Variants in GRID1 observed in about 807,000 individuals in gnomAD.
GRID1 encodes glutamate receptor ionotropic, delta-1.
GRID1 carries 28 observed loss-of-function variants against 98.0 expected under a neutral mutation model. The ratio of observed to expected loss-of-function variants is 0.29; its 90% CI spans 0.21 to 0.39. The LOEUF is 0.39. Among genes scored for constraint, GRID1 ranks in the 10% least tolerant of loss-of-function variants. The probability of loss-of-function intolerance (pLI) is 1.00; values close to 1 mark genes in which losing one functional copy is unlikely to be tolerated. For synonymous variants in GRID1, 553 were observed against 538.5 expected (o/e 1.03, Z -0.37); for missense variants, 1,111 against 1,340.5 (o/e 0.83, Z 2.67).
intron 3 of GRID1, among the ~76,000 whole-genome samples, chr10:86,156,155 G>A (rs1288473902): frequency 6.6e-6 from 1 of 152,236 alleles, no homozygotes; most frequent in African/African-American, 2.4e-5. Flanking sequence ...TGTGAGCAAG[G>A]GGAGAAGAGA....
intron 4 of GRID1, among the ~76,000 whole-genome samples, chr10:86,079,363 G>A (rs1450972078): frequency 1.3e-5 from 2 of 152,184 alleles, no homozygotes; most frequent in East Asian, 3.8e-4. Flanking sequence ...GGCTGGTGGG[G>A]GCAAGGGCTG....
At chr10:85,951,476 C>A (rs371106581) in intron 4 of GRID1, among the ~76,000 whole-genome samples, 1 of 152,172 alleles carries the variant, frequency 6.6e-6, no homozygotes, top group Non-Finnish European at 1.5e-5. Flanking sequence ...CTTTCACATA[C>A]AACCAAAACA....
rs766842906 is a variant in GRID1 at position 85,601,775 on chromosome 10, G to A, written c.*498C>T. 1 of 156,522 alleles carries A rather than the reference G, an allele frequency of 6.4e-6. No homozygotes were observed. Among genetic ancestry groups the A allele is most frequent in the Non-Finnish European group, 1.4e-5 (1 of 70,866 alleles). The allele number at this position is 156,522 out of a possible 1,614,324, so 9.7% of individuals were successfully genotyped here. ...AACCCAGTGGGCCAGCCCAATGCGG[G>A]CTCCAAACTCACTCTTTATCAAGCT... On this transcript the variant is annotated 3_prime_UTR_variant, in exon 16 of 16. Coordinates refer to ENST00000327946, the MANE Select transcript of GRID1 (RefSeq NM_017551.3).
intron 2 of GRID1, among the ~76,000 whole-genome samples, chr10:86,216,068 C>T (rs752610817): frequency 6.6e-6 from 1 of 152,248 alleles, no homozygotes; most frequent in Non-Finnish European, 1.5e-5. Context: ...CACACTTCCA[C>T]TCACTCCCGA....
At chr10:85,838,720 C>G (rs775237540) in intron 8 of GRID1, among the ~76,000 whole-genome samples, 43 of 152,184 alleles carry the variant, frequency 2.8e-4, no homozygotes, top group Non-Finnish European at 5.4e-4. Flanking sequence ...ACCAGTGACA[C>G]TATAAAGCAA....
chr10:85,924,613 C>G (rs1429446036), intron 4 of GRID1, among the ~76,000 whole-genome samples: 1 of 152,190 alleles, frequency 6.6e-6, no homozygotes, highest in African/African-American at 2.4e-5. Context: ...AAAGATATTA[C>G]TGAAAGAGAG....
chr10:86,004,506 G>A (rs774626260), intron 4 of GRID1, among the ~76,000 whole-genome samples: 3 of 152,162 alleles, frequency 2.0e-5, no homozygotes, highest in Non-Finnish European at 4.4e-5. Flanking sequence ...TCCATGATGT[G>A]AGTGGGCCTC....
intron 13 of GRID1, among the ~76,000 whole-genome samples, chr10:85,640,172 A>G (rs1045543251): frequency 1.3e-5 from 2 of 152,258 alleles, no homozygotes; most frequent in Non-Finnish European, 2.9e-5. Context: ...GAGTAAGTTC[A>G]TAAATGAATG....
chr10:86,241,239 C>CCCTCT (rs1218072947), intron 2 of GRID1, among the ~76,000 whole-genome samples: 1 of 152,258 alleles, frequency 6.6e-6, no homozygotes, highest in Non-Finnish European at 1.5e-5. Context: ...GCCCCCCAGC[C>CCCTCT]CCTCTCCTCA....
chr10:85,817,234 G>GA (rs1183784515), intron 8 of GRID1, among the ~76,000 whole-genome samples: 1 of 152,092 alleles, frequency 6.6e-6, no homozygotes, highest in Non-Finnish European at 1.5e-5. Flanking sequence ...TGGGATTGCC[G>GA]GGTCGAATGG....
At chr10:86,191,096 T>A (rs957937921) in intron 3 of GRID1, among the ~76,000 whole-genome samples, 1 of 152,186 alleles carries the variant, frequency 6.6e-6, no homozygotes, top group Non-Finnish European at 1.5e-5. Context: ...GCCTGTTACA[T>A]GCATTTGATG....
chr10:85,929,795 T>C (rs1214089134), intron 4 of GRID1, among the ~76,000 whole-genome samples: 1 of 152,242 alleles, frequency 6.6e-6, no homozygotes, highest in Non-Finnish European at 1.5e-5. Flanking sequence ...AACTCTTTCA[T>C]CTGTTTCTTT....
rs77427773 is a variant in GRID1, at chr10:86,327,927, A to G, written c.235+36014T>C. 3.0e-3 allele frequency among the ~76,000 whole-genome samples: 450 copies of G among 152,356 alleles called. 2 individuals are homozygous for G. Among genetic ancestry groups the G allele is most frequent in the Middle Eastern group, 0.014 (4 of 294 alleles). ...CAATTCCACAACTTAGAGTCCACCTAGATACATAGGCATATATAAGGATTT... is the reference window on the plus strand; with the variant it reads ...CAATTCCACAACTTAGAGTCCACCTGGATACATAGGCATATATAAGGATTT... On this transcript the variant is annotated intron_variant, in intron 2 of 15. Transcript: ENST00000327946.
Position 85,837,501 on chromosome 10 carries a change from C to A in GRID1, c.1233+16995G>T, listed in dbSNP as rs574635843. 6.6e-5 allele frequency among the ~76,000 whole-genome samples: 10 copies of A among 152,302 alleles called. No individual in the cohort carries two copies. In the East Asian group the frequency reaches 1.9e-3, roughly 29 times the overall value. On this transcript the variant is annotated intron_variant, in intron 8 of 15. Transcript: ENST00000327946. ...ACAAAGTTGGGGCCCAATACAAGTTCTCCAGAGTTAGAGCATGCAGTCCAG... is the reference window on the plus strand; with the variant it reads ...ACAAAGTTGGGGCCCAATACAAGTTATCCAGAGTTAGAGCATGCAGTCCAG...
At chr10:86,347,970 C>G (rs1404200917) in intron 2 of GRID1, among the ~76,000 whole-genome samples, 1 of 152,172 alleles carries the variant, frequency 6.6e-6, no homozygotes, top group Non-Finnish European at 1.5e-5. Context: ...CGGCCACCTT[C>G]CCCATGGTCC....
chr10:85,684,997 G>A (rs1412474836), intron 12 of GRID1, among the ~76,000 whole-genome samples: 2 of 152,150 alleles, frequency 1.3e-5, no homozygotes, highest in African/African-American at 4.8e-5. Flanking sequence ...CCACACTAGG[G>A]GTTAGGGCTT....
At chr10:85,936,757 A>C (rs780027875) in intron 4 of GRID1, among the ~76,000 whole-genome samples, 1 of 152,194 alleles carries the variant, frequency 6.6e-6, no homozygotes, top group Non-Finnish European at 1.5e-5. Context: ...TGGACATTTA[A>C]TATTTTTATT....
intron 8 of GRID1, among the ~76,000 whole-genome samples, chr10:85,765,165 T>C (rs1038687904): frequency 6.6e-6 from 1 of 152,190 alleles, no homozygotes; most frequent in African/African-American, 2.4e-5. Flanking sequence ...CTCATAGAAG[T>C]TGAATAACTA....
chr10:85,733,640 T>G (rs1332535663), intron 8 of GRID1, among the ~76,000 whole-genome samples: 1 of 152,244 alleles, frequency 6.6e-6, no homozygotes, highest in Non-Finnish European at 1.5e-5. Flanking sequence ...GATTCTATTT[T>G]CTTATCTATG....
Sources: allele counts gnomAD v4.1 joint callset (sites outside exome capture counted in the v4.1 genomes callset), GRCh38; gene constraint gnomAD v4.1.1; transcripts MANE v1.5; gene names NCBI Gene and HGNC (gene_info 2026-07-23, HGNC 2026-07-21).